DCAF6: variants seen among roughly 807,000 people sequenced by gnomAD.
The protein encoded by DCAF6 is DDB1 and CUL4 associated factor 6, also known as DDB1- and CUL4-associated factor 6.
Under a neutral mutation model 125.1 loss-of-function variants are expected in DCAF6, and 54 were observed. That is an observed-to-expected ratio of 0.43 (90% confidence interval 0.35 to 0.54). The LOEUF is 0.54. Ranked by LOEUF, DCAF6 falls within the 20% of genes least tolerant of loss-of-function variation. DCAF6 has a pLI of 0.01. For synonymous variants in DCAF6, 371 were observed against 390.4 expected, an observed-to-expected ratio of 0.95 and a Z score of 0.58; for missense variants, 934 against 1,161.7, an observed-to-expected ratio of 0.80 and a Z score of 2.85.
chr1:168,018,376 T>C lies in DCAF6; in HGVS notation c.1549+2425T>C, dbSNP rs559818749. 7.2e-4 allele frequency among the ~76,000 whole-genome samples: 110 copies of C among 152,360 alleles called. No individual in the cohort carries two copies. In the Middle Eastern group the frequency reaches 0.01, roughly 14 times the overall value. On this transcript the variant is annotated intron_variant, in intron 11 of 21. Transcript: ENST00000367840. ...GAAGATGTTAAACAGTGGTTTTTTA[T>C]TTATTTTTGGTTGTTCACTCTTTGT...
At chr1:167,935,776 C>G (rs1423649563), upstream of DCAF6, 1 of 1,564,962 alleles carries the variant, frequency 6.4e-7, no homozygotes, top group African/African-American at 1.4e-5. Context: ...CGGGCAGCAT[C>G]AGCTCCACTT....
chr1:167,916,111 A>C, the DCAF6 span, among the ~76,000 whole-genome samples: 1 of 152,218 alleles, frequency 6.6e-6, no homozygotes, highest in African/African-American at 2.4e-5. Context: ...GATAGTAAGG[A>C]CTTCTAATAT....
At chr1:167,884,199 T>C in the DCAF6 span, among the ~76,000 whole-genome samples, 2 of 152,202 alleles carry the variant, frequency 1.3e-5, no homozygotes, top group Non-Finnish European at 2.9e-5. Context: ...CTGGGTAATT[T>C]ACAAGGAAAA....
intron 12 of DCAF6, 80 bp from the exon 13 acceptor site, chr1:168,038,291 T>C (rs935559530): frequency 5.8e-6 from 6 of 1,025,784 alleles, no homozygotes; most frequent in African/African-American, 3.3e-5. Context: ...CAACCTAATA[T>C]AAGTTTTATA....
chr1:168,063,935 C>A, intron 18 of DCAF6, 176 bp downstream of exon 18: 18 of 498,968 alleles, frequency 3.6e-5, no homozygotes, highest in Admixed American at 4.6e-5. Flanking sequence ...TGTGAAAGAT[C>A]ATTATTTTTT....
the DCAF6 span, among the ~76,000 whole-genome samples, chr1:167,868,736 A>G: frequency 0.43 from 65,695 of 152,140 alleles, 17,695 homozygotes; most frequent in African/African-American, 0.76. Context: ...AAAGCGAAAC[A>G]TAGCCATAGA....
chr1:167,969,252 T>TC (rs1676930232), intron 3 of DCAF6: 1 of 152,182 alleles, frequency 6.6e-6, no homozygotes. Flanking sequence ...TGAAGCTGGA[T>TC]CTTACAGGTT....
At chr1:167,991,170 CTA>C in intron 5 of DCAF6, 32 bp from the exon 6 acceptor site, 1 of 1,564,808 alleles carries the variant, frequency 6.4e-7, no homozygotes, top group Admixed American at 1.8e-5. Flanking sequence ...TGCTGTATAA[CTA>C]TATGTAATTG....
chr1:167,924,438 AG>A, the DCAF6 span: 1 of 1,405,342 alleles, frequency 7.1e-7, no homozygotes, highest in Non-Finnish European at 9.9e-7. Context: ...ACTTCAAATT[AG>A]TAAATTCCTA....
chr1:167,993,664 G>T (rs1393545813), intron 7 of DCAF6, among the ~76,000 whole-genome samples: 1 of 152,054 alleles, frequency 6.6e-6, no homozygotes, highest in Non-Finnish European at 1.5e-5. Flanking sequence ...CAGCAGAATC[G>T]CTTGAACCCG....
intron 3 of DCAF6, among the ~76,000 whole-genome samples, chr1:167,973,189 G>A (rs1038351066): frequency 1.3e-5 from 2 of 152,202 alleles, no homozygotes; most frequent in Non-Finnish European, 2.9e-5. Flanking sequence ...ACATTGACAT[G>A]TCAGGCTAGT....
At chr1:167,928,635 A>G in the DCAF6 span, among the ~76,000 whole-genome samples, 1 of 152,256 alleles carries the variant, frequency 6.6e-6, no homozygotes, top group East Asian at 1.9e-4. Flanking sequence ...AAATAGTGAC[A>G]ATACAATGTC....
At chr1:168,007,622 T>A (rs1410226781) in intron 10 of DCAF6, among the ~76,000 whole-genome samples, 1 of 152,228 alleles carries the variant, frequency 6.6e-6, no homozygotes, top group Non-Finnish European at 1.5e-5. Flanking sequence ...TGTCACTCCT[T>A]CTTGAAACAC....
At chr1:167,902,410 T>C in the DCAF6 span, among the ~76,000 whole-genome samples, 1 of 152,226 alleles carries the variant, frequency 6.6e-6, no homozygotes, top group African/African-American at 2.4e-5. Flanking sequence ...CTGGGGCTTG[T>C]GTAAGCATGG....
the DCAF6 span, chr1:167,883,675 C>A: frequency 6.3e-7 from 1 of 1,591,454 alleles, no homozygotes. Flanking sequence ...GGCAGTGGAT[C>A]CCTCCCCCAA....
intron 7 of DCAF6, among the ~76,000 whole-genome samples, chr1:167,995,203 G>T (rs1221548576): frequency 1.3e-5 from 2 of 152,162 alleles, no homozygotes; most frequent in African/African-American, 4.8e-5. Flanking sequence ...AGAGTTGGAA[G>T]TCCATAGACA....
chr1:167,997,737 T>C (rs1248591014), intron 7 of DCAF6, among the ~76,000 whole-genome samples: 2 of 152,190 alleles, frequency 1.3e-5, no homozygotes, highest in Non-Finnish European at 2.9e-5. Context: ...AGATCATGTG[T>C]CTGGTTACAG....
At chr1:167,873,661 A>G in the DCAF6 span, among the ~76,000 whole-genome samples, 4 of 152,294 alleles carry the variant, frequency 2.6e-5, no homozygotes, top group East Asian at 1.9e-4. Flanking sequence ...CTTTCTTACA[A>G]TAAGGTCCCT....
intron 10 of DCAF6, among the ~76,000 whole-genome samples, chr1:168,015,366 G>T (rs1197506171): frequency 6.6e-6 from 1 of 151,812 alleles, no homozygotes; most frequent in Non-Finnish European, 1.5e-5. Context: ...CCTTTTAATT[G>T]AATTTTGTTA....
Sources: gnomAD v4.1 joint callset for allele counts (sites outside exome capture counted in the v4.1 genomes callset) on GRCh38, gnomAD v4.1.1 for gene constraint, MANE v1.5 for transcripts, NCBI Gene and HGNC (gene_info 2026-07-23, HGNC 2026-07-21) for gene names.